The following TENM3 variants were observed in gnomAD, a reference collection of about 807,000 sequenced individuals.
TENM3 encodes the protein teneurin transmembrane protein 3.
A neutral mutation model predicts 255.1 loss-of-function variants in TENM3; 63 were observed. That is an observed-to-expected ratio of 0.25 (90% CI 0.20 to 0.30). The LOEUF (loss-of-function observed/expected upper bound fraction) is 0.30. Among genes scored for constraint, TENM3 ranks in the 10% least tolerant of loss-of-function variants. The pLI, the probability that TENM3 is intolerant of heterozygous loss-of-function variation, is 1.00. For synonymous variants in TENM3, 1,306 were observed against 1,322.3 expected (o/e 0.99, Z 0.27); for missense variants, 2,929 against 3,461.1 (o/e 0.85, Z 3.86).
intron 3 of TENM3, chr4:182,449,033 C>T (rs1196340424): frequency 2.6e-6 from 1 of 385,288 alleles, no homozygotes; most frequent in South Asian, 1.7e-5. Context: ...GGCAACTTGG[C>T]AGCGCTGGGC....
At chr4:182,012,593 C>G in the TENM3 span, 1 of 152,186 alleles carries the variant, frequency 6.6e-6, no homozygotes, top group African/African-American at 2.4e-5. Flanking sequence ...TTTTATGGAC[C>G]ATACCCTGCA....
At chr4:181,668,686 C>T in the TENM3 span, among the ~76,000 whole-genome samples, 4 of 152,174 alleles carry the variant, frequency 2.6e-5, no homozygotes, top group South Asian at 8.3e-4. Flanking sequence ...CTGCAACAAC[C>T]TTACTTGCAA....
chr4:181,691,476 G>T, the TENM3 span, among the ~76,000 whole-genome samples: 3 of 152,042 alleles, frequency 2.0e-5, no homozygotes, highest in Non-Finnish European at 4.4e-5. Context: ...TCTTATAAAA[G>T]TAAGTGTAAA....
At chr4:182,386,523 C>G (rs958781487) in intron 3 of TENM3, among the ~76,000 whole-genome samples, 1 of 152,240 alleles carries the variant, frequency 6.6e-6, no homozygotes, top group African/African-American at 2.4e-5. Flanking sequence ...TTGACCAAGG[C>G]TGGAGCCCGC....
intron 27 of TENM3, among the ~76,000 whole-genome samples, chr4:182,797,174 T>C (rs1365797097): frequency 6.6e-6 from 1 of 152,154 alleles, no homozygotes; most frequent in Non-Finnish European, 1.5e-5. Context: ...GTGAGGGGGC[T>C]CACGCCTGTA....
At chr4:182,122,370 A>G in the TENM3 span, among the ~76,000 whole-genome samples, 2 of 152,222 alleles carry the variant, frequency 1.3e-5, no homozygotes, top group Non-Finnish European at 2.9e-5. Flanking sequence ...ATAAAAATCT[A>G]TGGCAGTGAC....
the TENM3 span, among the ~76,000 whole-genome samples, chr4:182,082,479 C>CT: frequency 6.6e-6 from 1 of 152,158 alleles, no homozygotes; most frequent in South Asian, 2.1e-4. Flanking sequence ...TCGCAATTAT[C>CT]AACACACATA....
the TENM3 span, chr4:182,081,928 G>A: frequency 6.6e-6 from 1 of 152,156 alleles, no homozygotes; most frequent in Admixed American, 6.5e-5. Flanking sequence ...CTTCAAGGAT[G>A]GTAATTGATG....
chr4:182,644,680 A>G (rs1411894851), intron 5 of TENM3, among the ~76,000 whole-genome samples: 2 of 152,206 alleles, frequency 1.3e-5, no homozygotes, highest in East Asian at 3.8e-4. Flanking sequence ...AATTATTTCA[A>G]TTAATAAGGT....
intron 4 of TENM3, among the ~76,000 whole-genome samples, chr4:182,620,623 A>T (rs1750030227): frequency 6.6e-6 from 1 of 152,236 alleles, no homozygotes; most frequent in South Asian, 2.1e-4. Context: ...TTTGTTTGTA[A>T]GTAGTTTCAA....
chr4:182,104,933 T>A, the TENM3 span, among the ~76,000 whole-genome samples: 1 of 152,256 alleles, frequency 6.6e-6, no homozygotes, highest in South Asian at 2.1e-4. Context: ...GGGAAACTTG[T>A]TAGTAATGCA....
At chr4:181,689,868 G>A in the TENM3 span, among the ~76,000 whole-genome samples, 5 of 152,170 alleles carry the variant, frequency 3.3e-5, no homozygotes, top group East Asian at 1.9e-4. Context: ...CCACACTAAA[G>A]GAAGTTGACT....
At chr4:181,888,591 C>CATGTGTGTGTGT in the TENM3 span, among the ~76,000 whole-genome samples, 1 of 90,176 alleles carries the variant, frequency 1.1e-5, no homozygotes, top group Non-Finnish European at 2.0e-5. Flanking sequence ...TATATATATG[C>CATGTGTGTGTGT]GTGTGTGTGT....
At chr4:181,611,520 G>T in the TENM3 span, among the ~76,000 whole-genome samples, 2 of 152,072 alleles carry the variant, frequency 1.3e-5, no homozygotes, top group African/African-American at 4.8e-5. Context: ...GTCTATTCAA[G>T]ATTTACGGAT....
chr4:181,873,959 A>G, the TENM3 span, among the ~76,000 whole-genome samples: 1 of 152,072 alleles, frequency 6.6e-6, no homozygotes, highest in Admixed American at 6.6e-5. Context: ...TAATTTTTGT[A>G]TTTTTAATAG....
intron 3 of TENM3, among the ~76,000 whole-genome samples, chr4:182,443,967 C>G (rs11132127): frequency 6.6e-6 from 1 of 152,086 alleles, no homozygotes; most frequent in Non-Finnish European, 1.5e-5. Flanking sequence ...AGAGAACTCA[C>G]CTTTAGAAAT....
At chr4:182,043,721 A>C in the TENM3 span, among the ~76,000 whole-genome samples, 1 of 152,196 alleles carries the variant, frequency 6.6e-6, no homozygotes, top group Admixed American at 6.5e-5. Context: ...AATTTCAGGC[A>C]CTCTGAGCTG....
chr4:182,761,584 TTATAAGTA>T (rs1396205018), intron 22 of TENM3, among the ~76,000 whole-genome samples: 9 of 150,578 alleles, frequency 6.0e-5, no homozygotes, highest in East Asian at 5.8e-4. Context: ...GCAGCCCACT[TTATAAGTA>T]TATATGTATA....
intron 3 of TENM3, among the ~76,000 whole-genome samples, chr4:182,571,937 T>C (rs1325340108): frequency 1.3e-5 from 2 of 152,222 alleles, no homozygotes; most frequent in Non-Finnish European, 2.9e-5. Flanking sequence ...AGTCTCGCTC[T>C]GTCACCCAGG....
Sources: allele counts gnomAD v4.1 joint callset (sites outside exome capture counted in the v4.1 genomes callset), GRCh38; gene constraint gnomAD v4.1.1; transcripts MANE v1.5; gene names NCBI Gene and HGNC (gene_info 2026-07-23, HGNC 2026-07-21).